The following RNGTT variants were observed in gnomAD, a reference collection of about 807,000 sequenced individuals.
RNGTT encodes mRNA-capping enzyme.
In RNGTT, 33 loss-of-function variants were observed where a neutral mutation model predicts 79.3. The ratio of observed to expected loss-of-function variants is 0.42; its 90% confidence interval spans 0.32 to 0.56. RNGTT has a LOEUF of 0.56. RNGTT is among the 20% of genes least tolerant of loss of function. The pLI, the probability that RNGTT is intolerant of heterozygous loss-of-function variation, is 0.17. For synonymous variants in RNGTT, 222 were observed against 235.9 expected (o/e 0.94, Z 0.54); for missense variants, 497 against 739.1 (o/e 0.67, Z 3.80).
At chr6:88,950,604 T>C (rs1785210472) in intron 1 of RNGTT, among the ~76,000 whole-genome samples, 1 of 152,136 alleles carries the variant, frequency 6.6e-6, no homozygotes, top group South Asian at 2.1e-4. Flanking sequence ...TTTGAGGAGT[T>C]CAAGACTTCA....
intron 14 of RNGTT, among the ~76,000 whole-genome samples, chr6:88,626,686 A>G (rs1004397979): frequency 1.3e-5 from 2 of 152,046 alleles, no homozygotes; most frequent in South Asian, 4.1e-4. Context: ...GAATTTCTCA[A>G]TCATTAAGAA....
At chr6:88,955,533 G>A (rs1333253748) in intron 1 of RNGTT, among the ~76,000 whole-genome samples, 27 of 140,532 alleles carry the variant, frequency 1.9e-4, no homozygotes, top group African/African-American at 6.9e-4. Flanking sequence ...CCAGGTGACA[G>A]AGTGAGACTC....
intron 6 of RNGTT, among the ~76,000 whole-genome samples, chr6:88,894,043 A>T (rs1030536610): frequency 4.6e-5 from 7 of 152,218 alleles, no homozygotes; most frequent in Non-Finnish European, 7.3e-5. Flanking sequence ...AGCAACCTGA[A>T]AATACCCATC....
At chr6:88,614,479 T>C in intron 14 of RNGTT, 84 bp from the exon 15 acceptor site, 1 of 1,293,728 alleles carries the variant, frequency 7.7e-7, no homozygotes, top group Middle Eastern at 2.5e-4. Flanking sequence ...CATTAGGAAA[T>C]GATAAAAATA....
chr6:88,682,501 T>C (rs1385715924), intron 13 of RNGTT, among the ~76,000 whole-genome samples: 2 of 152,236 alleles, frequency 1.3e-5, no homozygotes, highest in Non-Finnish European at 2.9e-5. Flanking sequence ...ATATCATTGA[T>C]AAGGTCTACA....
chr6:88,857,542 A>G (rs1781880552), intron 8 of RNGTT, among the ~76,000 whole-genome samples: 1 of 152,222 alleles, frequency 6.6e-6, no homozygotes, highest in Non-Finnish European at 1.5e-5. Flanking sequence ...GTGAAAGGAT[A>G]AAAACTCAAA....
At chr6:88,931,768 C>A (rs1434802047) in intron 2 of RNGTT, among the ~76,000 whole-genome samples, 1 of 152,168 alleles carries the variant, frequency 6.6e-6, no homozygotes, top group African/African-American at 2.4e-5. Flanking sequence ...GAGGGACCGG[C>A]TGAAGCCATG....
At chr6:88,800,696 T>A (rs1779756576) in intron 12 of RNGTT, among the ~76,000 whole-genome samples, 1 of 152,220 alleles carries the variant, frequency 6.6e-6, no homozygotes, top group African/African-American at 2.4e-5. Context: ...GGTGTGGGGC[T>A]GAGCTGCATC....
intron 2 of RNGTT, among the ~76,000 whole-genome samples, chr6:88,936,796 C>G (rs1045620222): frequency 2.0e-5 from 3 of 152,314 alleles, no homozygotes; most frequent in African/African-American, 7.2e-5. Context: ...GAATTCCCTC[C>G]TCTTCAATCT....
rs1783599847 is a variant in RNGTT, at chr6:88,904,867, CA to C, written c.531del (p.Tyr177Ter). On this transcript the variant is annotated frameshift_variant, in exon 6 of 16. Coordinates refer to ENST00000369485, the MANE Select transcript of RNGTT (RefSeq NM_003800.5). LOFTEE classifies it high-confidence loss of function. ...GDYLKELFRR[Y>X]GDIEEAPPPP... is the part of the protein sequence containing the mutation. ...GGGGGTGGTGCTTCCTCTATGTCAC[CA>C]TACCGACGAAAAAGTTCCTTCAAAT... 6.2e-7 allele frequency: 1 copy of C among 1,613,910 alleles called. No homozygotes were observed. Among genetic ancestry groups the C allele is most frequent in the Non-Finnish European group, 8.5e-7 (1 of 1,180,032 alleles).
intron 13 of RNGTT, among the ~76,000 whole-genome samples, chr6:88,752,993 T>C (rs1211747791): frequency 9.9e-5 from 15 of 152,112 alleles, no homozygotes; most frequent in Non-Finnish European, 4.4e-5. Flanking sequence ...ATATACTCTT[T>C]GGAGAAAAAG....
chr6:88,931,504 A>C (rs1380823599), intron 2 of RNGTT, among the ~76,000 whole-genome samples: 1 of 152,218 alleles, frequency 6.6e-6, no homozygotes, highest in Non-Finnish European at 1.5e-5. Flanking sequence ...TTTTGAAGTA[A>C]GTGAACGTAT....
intron 13 of RNGTT, among the ~76,000 whole-genome samples, chr6:88,735,748 A>T (rs757697233): frequency 6.6e-6 from 1 of 152,008 alleles, no homozygotes; most frequent in African/African-American, 2.4e-5. Context: ...TAAAACCAGA[A>T]ACAAGCTTCT....
At position 88,705,202 on chromosome 6, in the gene RNGTT, T is replaced by A. The variant is rs115905452; in HGVS notation, c.1440-26783A>T. The stretch of plus-strand genomic sequence containing the variant: ...TGTCATCATAAGACATTTTATATCA[T>A]AATCCCAAGCCTCTAAGCATAGTGT... On this transcript the variant is annotated intron_variant, in intron 13 of 15. Coordinates refer to ENST00000369485, the MANE Select transcript of RNGTT (RefSeq NM_003800.5). Among the ~76,000 whole-genome samples, 570 of 152,292 alleles carry A rather than the reference T, an allele frequency of 3.7e-3. 5 individuals carry two copies. The highest frequency in any genetic ancestry group is 0.013 in the African/African-American group (554 of 41,570).
At chr6:88,624,449 T>C (rs1053260650) in intron 14 of RNGTT, among the ~76,000 whole-genome samples, 1 of 151,924 alleles carries the variant, frequency 6.6e-6, no homozygotes. Flanking sequence ...CAATTGATAT[T>C]TGACCAAGGC....
intron 1 of RNGTT, 72 bp downstream of exon 1, chr6:88,963,274 T>G: frequency 6.7e-7 from 1 of 1,501,230 alleles, no homozygotes; most frequent in Non-Finnish European, 9.3e-7. Flanking sequence ...CACCAAAAGC[T>G]GAGCTCCTCA....
intron 14 of RNGTT, among the ~76,000 whole-genome samples, chr6:88,677,505 C>T (rs1163379597): frequency 1.3e-5 from 2 of 152,170 alleles, no homozygotes; most frequent in Non-Finnish European, 1.5e-5. Flanking sequence ...CTCACTCTGT[C>T]ACCCAGGCTG....
At chr6:88,662,835 T>A (rs1774240910) in intron 14 of RNGTT, among the ~76,000 whole-genome samples, 1 of 152,204 alleles carries the variant, frequency 6.6e-6, no homozygotes, top group East Asian at 1.9e-4. Context: ...AATCGGCGAT[T>A]GGAGTCTGGA....
chr6:88,661,558 A>G (rs1327789223), intron 14 of RNGTT, among the ~76,000 whole-genome samples: 1 of 152,190 alleles, frequency 6.6e-6, no homozygotes, highest in Non-Finnish European at 1.5e-5. Flanking sequence ...CAGGCACACA[A>G]ACTAGAAAAC....
Sources: gnomAD v4.1 joint callset for allele counts (sites outside exome capture counted in the v4.1 genomes callset) on GRCh38, gnomAD v4.1.1 for gene constraint, MANE v1.5 for transcripts, NCBI Gene and HGNC (gene_info 2026-07-23, HGNC 2026-07-21) for gene names.